The following UNC5D variants were observed in gnomAD, a reference collection of about 807,000 sequenced individuals.
UNC5D encodes the protein netrin receptor UNC5D.
In UNC5D, 39 loss-of-function variants were observed where a neutral mutation model predicts 105.4. The ratio of observed to expected loss-of-function variants is 0.37; its 90% CI spans 0.29 to 0.48. The LOEUF is 0.48. Among genes scored for constraint, UNC5D ranks in the 20% least tolerant of loss-of-function variants. The pLI is 0.98. For missense variants in UNC5D, 991 were observed against 1,202.4 expected (o/e 0.82, Z 2.60); for synonymous variants, 452 against 450.4 (o/e 1.00, Z -0.04).
At chr8:35,697,249 T>C (rs1350631591) in intron 7 of UNC5D, among the ~76,000 whole-genome samples, 1 of 151,696 alleles carries the variant, frequency 6.6e-6, no homozygotes. Flanking sequence ...CTTCCAGATA[T>C]ATATGCACAC....
chr8:35,324,716 T>C (rs1178825356), intron 1 of UNC5D, among the ~76,000 whole-genome samples: 1 of 152,164 alleles, frequency 6.6e-6, no homozygotes, highest in Non-Finnish European at 1.5e-5. Flanking sequence ...GAATATTATA[T>C]GATGAAGAGA....
chr8:35,241,257 G>A (rs1052679802), intron 1 of UNC5D, among the ~76,000 whole-genome samples: 79 of 152,198 alleles, frequency 5.2e-4, no homozygotes, highest in African/African-American at 1.9e-3. Context: ...GCATCGTATG[G>A]CCTTATTGTG....
At chr8:35,319,334 A>T (rs940113711) in intron 1 of UNC5D, among the ~76,000 whole-genome samples, 1 of 152,112 alleles carries the variant, frequency 6.6e-6, no homozygotes, top group African/African-American at 2.4e-5. Context: ...GTATGCCTCT[A>T]CTTGTTAGAA....
intron 1 of UNC5D, among the ~76,000 whole-genome samples, chr8:35,485,049 C>T (rs141570548): frequency 2.0e-5 from 3 of 152,274 alleles, no homozygotes; most frequent in East Asian, 1.9e-4. Flanking sequence ...GGTAGCAACA[C>T]TCTAACTCAC....
intron 3 of UNC5D, among the ~76,000 whole-genome samples, chr8:35,576,037 T>G (rs746678236): frequency 4.6e-5 from 7 of 152,204 alleles, no homozygotes; most frequent in Non-Finnish European, 8.8e-5. Context: ...CCAGGCCTTG[T>G]GCCTGTGGGT....
At chr8:35,695,708 A>ATTT (rs1563677930) in intron 7 of UNC5D, among the ~76,000 whole-genome samples, 8 of 142,558 alleles carry the variant, frequency 5.6e-5, no homozygotes, top group South Asian at 2.3e-4. Context: ...AAGTATTTTT[A>ATTT]TATTATTTAT....
At chr8:35,312,466 G>A (rs1030434669) in intron 1 of UNC5D, among the ~76,000 whole-genome samples, 1 of 152,120 alleles carries the variant, frequency 6.6e-6, no homozygotes, top group Non-Finnish European at 1.5e-5. Context: ...CTTCTTGTAT[G>A]TTCATACCAC....
chr8:35,430,301 T>C (rs1585824888), intron 1 of UNC5D, among the ~76,000 whole-genome samples: 1 of 122,264 alleles, frequency 8.2e-6, no homozygotes, highest in African/African-American at 3.0e-5. Flanking sequence ...GCCGAACATC[T>C]GGATGTTTCT....
intron 1 of UNC5D, among the ~76,000 whole-genome samples, chr8:35,330,769 C>T (rs1415665558): frequency 5.3e-5 from 8 of 152,152 alleles, no homozygotes; most frequent in African/African-American, 1.7e-4. Context: ...AAATTTAACT[C>T]GAGATGAACC....
At chr8:35,345,051 A>T (rs1444945135) in intron 1 of UNC5D, among the ~76,000 whole-genome samples, 1 of 152,086 alleles carries the variant, frequency 6.6e-6, no homozygotes, top group Admixed American at 6.6e-5. Flanking sequence ...GTGCAACTCC[A>T]TTACATTTAA....
chr8:35,785,870 C>T (rs887166999), intron 16 of UNC5D, among the ~76,000 whole-genome samples: 1 of 152,120 alleles, frequency 6.6e-6, no homozygotes, highest in African/African-American at 2.4e-5. Context: ...CAAGTCCCTC[C>T]TCCAGTTCCT....
intron 7 of UNC5D, among the ~76,000 whole-genome samples, chr8:35,688,773 C>T (rs1826194928): frequency 6.6e-6 from 1 of 152,254 alleles, no homozygotes; most frequent in African/African-American, 2.4e-5. Context: ...TGACTGTTTT[C>T]ATTTCCACTA....
intron 1 of UNC5D, among the ~76,000 whole-genome samples, chr8:35,393,220 C>T (rs1412045255): frequency 2.0e-5 from 3 of 148,774 alleles, no homozygotes; most frequent in Non-Finnish European, 4.5e-5. Context: ...GCAGGCTCCG[C>T]CCCCTGGGGT....
intron 1 of UNC5D, among the ~76,000 whole-genome samples, chr8:35,475,439 C>T (rs1810017883): frequency 6.6e-6 from 1 of 152,208 alleles, no homozygotes; most frequent in African/African-American, 2.4e-5. Flanking sequence ...GGGACTTGAA[C>T]TTTGGGCTTC....
intron 4 of UNC5D, among the ~76,000 whole-genome samples, chr8:35,611,385 A>T (rs1201208560): frequency 6.6e-6 from 1 of 152,194 alleles, no homozygotes; most frequent in Non-Finnish European, 1.5e-5. Flanking sequence ...GAATTAAATA[A>T]TTATTAATGA....
At chr8:35,574,853 C>T (rs1817986420) in intron 3 of UNC5D, among the ~76,000 whole-genome samples, 2 of 152,092 alleles carry the variant, frequency 1.3e-5, no homozygotes, top group Admixed American at 1.3e-4. Context: ...CTCATTTTCC[C>T]CTCCTTGACT....
chr8:35,380,128 CGA>C (rs199861021), intron 1 of UNC5D, among the ~76,000 whole-genome samples: 1 of 101,178 alleles, frequency 9.9e-6, no homozygotes. Context: ...AGAGAGACAC[CGA>C]GAGAGAGAGA....
intron 1 of UNC5D, among the ~76,000 whole-genome samples, chr8:35,475,571 T>C (rs1810029906): frequency 6.6e-6 from 1 of 152,210 alleles, no homozygotes; most frequent in Non-Finnish European, 1.5e-5. Context: ...TTTTTGCCAG[T>C]ACTGGCTCCT....
intron 1 of UNC5D, among the ~76,000 whole-genome samples, chr8:35,474,592 G>A (rs1181987653): frequency 5.9e-5 from 9 of 152,126 alleles, no homozygotes; most frequent in Admixed American, 5.9e-4. Flanking sequence ...CTGCAATAAG[G>A]GTGAAGCTGT....
Sources: gnomAD v4.1 joint callset for allele counts (sites outside exome capture counted in the v4.1 genomes callset) on GRCh38, gnomAD v4.1.1 for gene constraint, MANE v1.5 for transcripts, NCBI Gene and HGNC (gene_info 2026-07-23, HGNC 2026-07-21) for gene names.